The following KSR2 variants were observed in gnomAD, a reference collection of about 807,000 sequenced individuals.
KSR2 encodes kinase suppressor of ras 2.
KSR2 carries 25 observed loss-of-function variants against 107.8 expected under a neutral mutation model. The ratio of observed to expected loss-of-function variants is 0.23; its 90% CI spans 0.17 to 0.32. KSR2 has a LOEUF of 0.32. KSR2 is among the 10% of genes least tolerant of loss of function. The pLI, the probability that KSR2 is intolerant of heterozygous loss-of-function variation, is 1.00. For synonymous variants in KSR2, 480 were observed against 507.0 expected, an observed-to-expected ratio of 0.95 and a Z score of 0.71; for missense variants, 887 against 1,268.9, an observed-to-expected ratio of 0.70 and a Z score of 4.57.
Position 117,467,094 on chromosome 12 carries a change from C to T in KSR2, c.*105G>A, listed in dbSNP as rs977882630. 3.8e-6 allele frequency: 2 copies of T among 531,442 alleles called. No individual in the cohort carries two copies. Among genetic ancestry groups the T allele is most frequent in the Non-Finnish European group, 3.4e-6 (1 of 292,508 alleles). 32.9% of individuals were successfully genotyped at this position (531,442 alleles called of 1,614,324 possible). On this transcript the variant is annotated 3_prime_UTR_variant, in exon 20 of 20. Coordinates refer to ENST00000339824, the MANE Select transcript of KSR2 (RefSeq NM_173598.6). ...GCTCCCAGGTCGGTCGGGGTTGGTA[C>T]CCTCTGATGCTGAGTCTCTGGCCTC...
intron 4 of KSR2, among the ~76,000 whole-genome samples, chr12:117,742,424 C>T (rs975409249): frequency 6.6e-6 from 1 of 152,018 alleles, no homozygotes; most frequent in South Asian, 2.1e-4. Flanking sequence ...AGAAAATATT[C>T]GCTGAAGAAG....
At chr12:117,721,222 C>T (rs527543) in intron 4 of KSR2, among the ~76,000 whole-genome samples, 26,413 of 151,962 alleles carry the variant, frequency 0.17, 2,847 homozygotes, top group East Asian at 0.27. Flanking sequence ...GAGAAATAGT[C>T]GGAGAAGCAT....
chr12:117,854,306 C>T (rs201270052), intron 3 of KSR2, among the ~76,000 whole-genome samples: 2 of 152,170 alleles, frequency 1.3e-5, no homozygotes, highest in Non-Finnish European at 2.9e-5. Flanking sequence ...TGTGCCCGGC[C>T]GCATGGTCCC....
chr12:117,531,853 G>T, intron 10 of KSR2, 146 bp from the exon 11 acceptor site: 1 of 564,366 alleles, frequency 1.8e-6, no homozygotes. Context: ...CTGCAGACAA[G>T]GGACTGCAAA....
intron 7 of KSR2, among the ~76,000 whole-genome samples, chr12:117,570,089 G>C (rs1020807095): frequency 1.1e-4 from 16 of 151,012 alleles, no homozygotes; most frequent in Admixed American, 1.1e-3. Context: ...TGCAAGCTCC[G>C]CCTCCCAGGT....
intron 8 of KSR2, among the ~76,000 whole-genome samples, chr12:117,555,954 C>CTGTTGT (rs55744572): frequency 0.09 from 13,593 of 151,286 alleles, 774 homozygotes; most frequent in South Asian, 0.19. Flanking sequence ...TACTTGTTAG[C>CTGTTGT]TGTTGTTGTT....
intron 5 of KSR2, among the ~76,000 whole-genome samples, chr12:117,592,875 C>T (rs548178326): frequency 6.6e-6 from 1 of 152,262 alleles, no homozygotes; most frequent in African/African-American, 2.4e-5. Context: ...AGACACATCC[C>T]ATGGATCAGA....
chr12:117,660,036 C>T (rs141469295), intron 5 of KSR2, among the ~76,000 whole-genome samples: 51 of 152,298 alleles, frequency 3.3e-4, no homozygotes, highest in African/African-American at 1.1e-3. Context: ...CAGGCTGCTA[C>T]ACCCTTTTCA....
In KSR2 at chr12:117,842,931, TG is replaced by T. The variant is rs1841780155; in HGVS notation, c.472+12496del. Among the ~76,000 whole-genome samples, 1 of 152,068 alleles carries T rather than the reference TG, an allele frequency of 6.6e-6. No homozygotes were observed. Among genetic ancestry groups the T allele is most frequent in the African/African-American group, 2.4e-5 (1 of 41,408 alleles). On this transcript the variant is annotated intron_variant, in intron 3 of 19. Coordinates refer to ENST00000339824, the MANE Select transcript of KSR2 (RefSeq NM_173598.6). This position sits in a 1 kb window ranked among gnomAD's most constrained non-coding sequence, Gnocchi z 4.2. ...GCCCCTCCCTCCACCCCTGCCTTAG[TG>T]GGGACCAGTCAGTGGCTCTGTAGGA...
chr12:117,463,543 T>G lies in KSR2; in HGVS notation c.*3656A>C, dbSNP rs1245123663. The stretch of plus-strand genomic sequence containing the variant: ...AAATGGAGAGGTGACTGTGCTCCAA[T>G]AACATTTTGTTTATTGACATGAAAT... On this transcript the variant is annotated 3_prime_UTR_variant, in exon 20 of 20. Coordinates refer to ENST00000339824, the MANE Select transcript of KSR2 (RefSeq NM_173598.6). The G allele has an allele frequency of 6.6e-6, 1 of 152,272 alleles. No homozygotes were observed. Among genetic ancestry groups the G allele is most frequent in the East Asian group, 1.9e-4 (1 of 5,202 alleles). 9.4% of individuals were successfully genotyped at this position (152,272 alleles called of 1,614,324 possible). A position where few individuals can be genotyped will look rare whatever the true frequency, so the allele number is the denominator to read the frequency against.
At chr12:117,636,162 T>C (rs1455136648) in intron 5 of KSR2, among the ~76,000 whole-genome samples, 2 of 152,174 alleles carry the variant, frequency 1.3e-5, no homozygotes, top group African/African-American at 4.8e-5. Context: ...TCTTTTTCTA[T>C]TGTAAGATCC....
intron 7 of KSR2, among the ~76,000 whole-genome samples, chr12:117,570,070 C>T (rs891895148): frequency 9.9e-5 from 15 of 151,472 alleles, no homozygotes; most frequent in Admixed American, 4.6e-4. Flanking sequence ...TGGCGTGATC[C>T]CGGCTCACTG....
chr12:117,858,233 A>G (rs1893164982), intron 2 of KSR2, among the ~76,000 whole-genome samples: 1 of 152,116 alleles, frequency 6.6e-6, no homozygotes, highest in South Asian at 2.1e-4. Flanking sequence ...CTAGAATCGA[A>G]TCGTTTCTAC....
chr12:117,762,038 A>G (rs1889054671), intron 3 of KSR2, among the ~76,000 whole-genome samples: 1 of 152,206 alleles, frequency 6.6e-6, no homozygotes, highest in African/African-American at 2.4e-5. Context: ...AAAGACAATA[A>G]AATCCCCTTG....
At position 117,489,548 on chromosome 12, in the gene KSR2, C is replaced by CAAA. The variant is rs11358177; in HGVS notation, c.2220-3860_2220-3858dup. 5.7e-5 allele frequency among the ~76,000 whole-genome samples: 5 copies of CAAA among 87,226 alleles called. No homozygotes were observed. In the East Asian group the frequency reaches 1.4e-3, roughly 25 times the overall value. The allele number at this position is 87,226 out of a possible 152,430, so 57.2% of individuals were successfully genotyped here. A position where few individuals can be genotyped will look rare whatever the true frequency, so the allele number is the denominator to read the frequency against. On this transcript the variant is annotated intron_variant, in intron 14 of 19. Transcript: ENST00000339824. The stretch of plus-strand genomic sequence containing the variant: ...GGTGACACAGAGTGAGACCCTGTCT[C>CAAA]AAAAAAAAAAAAAAAAAAAGTAAGC...
intron 5 of KSR2, among the ~76,000 whole-genome samples, chr12:117,633,675 T>C (rs1422921611): frequency 3.3e-5 from 5 of 152,162 alleles, no homozygotes; most frequent in Non-Finnish European, 7.4e-5. Context: ...TCCTGTGTCT[T>C]TTTGCAAGGA....
Position 117,761,143 on chromosome 12 carries a change from A to G in KSR2, c.854T>C (p.Leu285Pro), listed in dbSNP as rs1888994511. 1.2e-6 allele frequency: 2 copies of G among 1,609,956 alleles called. No homozygotes were observed. The highest frequency in any genetic ancestry group is 2.7e-5 in the African/African-American group (2 of 74,704). ...GGGCGGTGGGGTCCCCGGGGGCTTC[A>G]GCTTGTTCTTCTTCCTCATGGGCGG... ...GTPPMRKKNK[L>P]KPPGTPPPSS... The change falls in exon 4 of 20, where the codon CTG (leucine) becomes CCG (proline). Residue 285 changes from leucine to proline, a missense_variant. By Grantham distance (98) the Leu-to-Pro change is moderately conservative. Around this residue, in one of 8 missense-constraint regions of KSR2, gnomAD observed 399 missense variants for 479.5 expected, o/e 0.83. Coordinates refer to ENST00000339824, the MANE Select transcript of KSR2 (RefSeq NM_173598.6).
intron 14 of KSR2, among the ~76,000 whole-genome samples, chr12:117,488,264 C>T (rs1039673579): frequency 5.9e-5 from 9 of 152,256 alleles, no homozygotes; most frequent in South Asian, 2.1e-4. Flanking sequence ...AGCGTGAAAA[C>T]GGACTAATAC....
At chr12:117,867,836 T>G (rs1313711465) in intron 1 of KSR2, among the ~76,000 whole-genome samples, 2 of 152,176 alleles carry the variant, frequency 1.3e-5, no homozygotes, top group African/African-American at 4.8e-5. Flanking sequence ...TGGGGTTTTG[T>G]GTTTGTTACA....
Sources: gnomAD v4.1 joint callset for allele counts (sites outside exome capture counted in the v4.1 genomes callset) on GRCh38, gnomAD v4.1.1 for gene constraint, gnomAD v4.1.1 regional missense constraint, Gnocchi (gnomAD v3.1) non-coding constraint, MANE v1.5 for transcripts, NCBI Gene and HGNC (gene_info 2026-07-23, HGNC 2026-07-21) for gene names.